The following ZNF827 variants were observed in gnomAD, a reference collection of about 807,000 sequenced individuals.
ZNF827 encodes the protein zinc finger protein 827.
ZNF827 carries 13 observed loss-of-function variants against 102.4 expected under a neutral mutation model. The ratio of observed to expected loss-of-function variants is 0.13; its 90% CI spans 0.08 to 0.20. The LOEUF (loss-of-function observed/expected upper bound fraction) is 0.20. ZNF827 is among the 10% of genes least tolerant of loss of function. ZNF827 has a pLI of 1.00. For synonymous variants in ZNF827, 523 were observed against 536.2 expected, an observed-to-expected ratio of 0.98 and a Z score of 0.34; for missense variants, 1,103 against 1,344.4, an observed-to-expected ratio of 0.82 and a Z score of 2.81.
At chr4:145,794,687 G>A (rs947331904) in intron 8 of ZNF827, among the ~76,000 whole-genome samples, 1 of 151,856 alleles carries the variant, frequency 6.6e-6, no homozygotes, top group African/African-American at 2.4e-5. Context: ...GCGACAGGGC[G>A]AGACCCTGTC....
chr4:145,881,905 C>T (rs1749701472), intron 4 of ZNF827, among the ~76,000 whole-genome samples: 1 of 152,214 alleles, frequency 6.6e-6, no homozygotes, highest in Non-Finnish European at 1.5e-5. Flanking sequence ...TATTCCACAT[C>T]AGTGGTCCTC....
rs1734436771 is a variant in ZNF827, at chr4:145,761,174, C to T, written c.*442G>A. 3 of 1,289,862 alleles carry T rather than the reference C, an allele frequency of 2.3e-6. No individual in the cohort carries two copies. Among genetic ancestry groups the T allele is most frequent in the African/African-American group, 3.0e-5 (2 of 66,002 alleles). The allele number at this position is 1,289,862 out of a possible 1,614,324, so 79.9% of individuals were successfully genotyped here. A position where few individuals can be genotyped will look rare whatever the true frequency, so the allele number is the denominator to read the frequency against. ...GGGGCTGGACACAGGCCCTTCTTGTCCTCCTCGGGGCAGTCCCCACTCTGG... is the reference window on the plus strand; with the variant it reads ...GGGGCTGGACACAGGCCCTTCTTGTTCTCCTCGGGGCAGTCCCCACTCTGG... On this transcript the variant is annotated 3_prime_UTR_variant, in exon 15 of 15. Coordinates refer to ENST00000508784, the MANE Select transcript of ZNF827 (RefSeq NM_001306215.2). This position sits in a 1 kb window ranked among gnomAD's most constrained non-coding sequence, Gnocchi z 6.8.
intron 11 of ZNF827, among the ~76,000 whole-genome samples, chr4:145,766,813 T>G (rs1735374807): frequency 6.6e-6 from 1 of 152,042 alleles, no homozygotes; most frequent in African/African-American, 2.4e-5. Flanking sequence ...AAAAACACAA[T>G]TTACAGGGCA....
chr4:145,909,500 C>G (rs1179108562), intron 1 of ZNF827, among the ~76,000 whole-genome samples: 1 of 152,206 alleles, frequency 6.6e-6, no homozygotes, highest in Non-Finnish European at 1.5e-5. Context: ...TTTTCACTCT[C>G]AATGACTTCC....
chr4:145,892,244 T>A lies in ZNF827; in HGVS notation c.1265A>T (p.Lys422Met). 1 of 1,607,252 alleles carries A rather than the reference T, an allele frequency of 6.2e-7. No homozygotes were observed. The highest frequency in any genetic ancestry group is 8.5e-7 in the Non-Finnish European group (1 of 1,175,264). Residue 422 changes from lysine to methionine, a missense_variant and splice_region_variant, in exon 3 of 15, where the codon AAG becomes ATG. Coordinates refer to ENST00000508784, the MANE Select transcript of ZNF827 (RefSeq NM_001306215.2). ...ARKDNLKSHM[K>M]VHQHQDRGET... ...AGGTGCAGTCGGTAGGTGGCTTACC[T>A]TCATGTGGGATTTGAGATTGTCCTT...
intron 11 of ZNF827, among the ~76,000 whole-genome samples, chr4:145,769,257 T>C (rs1579100975): frequency 1.4e-5 from 2 of 138,570 alleles, no homozygotes; most frequent in African/African-American, 6.9e-5. Context: ...ACTTCTCTCT[T>C]GGTACAAGAA....
intron 9 of ZNF827, among the ~76,000 whole-genome samples, chr4:145,777,437 C>T (rs1288320962): frequency 2.0e-5 from 3 of 152,202 alleles, no homozygotes; most frequent in South Asian, 2.1e-4. Context: ...CCTTTATAAA[C>T]GGTATGTCCT....
intron 4 of ZNF827, among the ~76,000 whole-genome samples, chr4:145,883,400 T>C (rs1370251717): frequency 1.3e-5 from 2 of 152,212 alleles, no homozygotes; most frequent in African/African-American, 2.4e-5. Context: ...TCCCCATCAA[T>C]AGCTAACTGA....
At chr4:145,904,584 G>A (rs933922195) in intron 1 of ZNF827, among the ~76,000 whole-genome samples, 4 of 152,216 alleles carry the variant, frequency 2.6e-5, no homozygotes, top group African/African-American at 9.6e-5. Flanking sequence ...GAACATGCCT[G>A]GCACGCCCAT....
chr4:145,882,668 G>C (rs1314585379), intron 4 of ZNF827, among the ~76,000 whole-genome samples: 4 of 152,164 alleles, frequency 2.6e-5, no homozygotes, highest in Admixed American at 2.6e-4. Context: ...AGCATCAAGT[G>C]TTTTCTCTCT....
chr4:145,897,276 TA>T (rs1751052964), intron 2 of ZNF827, among the ~76,000 whole-genome samples: 1 of 152,230 alleles, frequency 6.6e-6, no homozygotes, highest in Non-Finnish European at 1.5e-5. Context: ...TTAACTGCTT[TA>T]ACACAAAGGT....
At chr4:145,886,699 C>G (rs1750145270) in intron 3 of ZNF827, among the ~76,000 whole-genome samples, 2 of 151,486 alleles carry the variant, frequency 1.3e-5, no homozygotes, top group African/African-American at 2.4e-5. Context: ...AATTGAGGCC[C>G]CAGAATAAAT....
intron 7 of ZNF827, among the ~76,000 whole-genome samples, chr4:145,829,380 C>T (rs1743982388): frequency 6.6e-6 from 1 of 151,820 alleles, no homozygotes; most frequent in Non-Finnish European, 1.5e-5. Context: ...GACAAATTAC[C>T]TTAGTAGATT....
rs1009445491 is a variant in ZNF827, at chr4:145,759,077, CAT to C, written c.*2537_*2538del. Reference sequence around the variant, plus strand: ...AAAAACCCCAACTCTTAGGATAACACATGATGGAAAACAGCAACACAGTAAGA... The same window carrying C: ...AAAAACCCCAACTCTTAGGATAACACGATGGAAAACAGCAACACAGTAAGA... On this transcript the variant is annotated 3_prime_UTR_variant, in exon 15 of 15. Transcript: ENST00000508784. 8 of 152,172 alleles carry C rather than the reference CAT, an allele frequency of 5.3e-5. No individual in the cohort carries two copies. The highest frequency in any genetic ancestry group is 1.4e-4 in the African/African-American group (6 of 41,436). The allele number at this position is 152,172 out of a possible 1,614,324, so 9.4% of individuals were successfully genotyped here.
chr4:145,929,074 C>T (rs1440246433), intron 1 of ZNF827, among the ~76,000 whole-genome samples: 1 of 152,206 alleles, frequency 6.6e-6, no homozygotes. Flanking sequence ...AGTTTTTAAA[C>T]AGTATCTGTG....
chr4:145,850,575 G>T (rs552439832), intron 5 of ZNF827, among the ~76,000 whole-genome samples: 3 of 152,286 alleles, frequency 2.0e-5, no homozygotes, highest in African/African-American at 7.2e-5. Flanking sequence ...ACACATATTT[G>T]TTTTGTAAGG....
At position 145,849,489 on chromosome 4, in the gene ZNF827, T is replaced by G; in HGVS notation, c.2054A>C (p.His685Pro). 6.2e-7 allele frequency: 1 copy of G among 1,614,206 alleles called. No homozygotes were observed. Among genetic ancestry groups the G allele is most frequent in the Non-Finnish European group, 8.5e-7 (1 of 1,180,032 alleles). ...ATTCCGGCTGGGTGATATCGAGACA[T>G]GGGAGTCCTGGATGTCAACCTCCAT... ...EPMEVDIQDS[H>P]VSISPSRNVG... is the part of the protein sequence containing the mutation. The change falls in exon 6 of 15, where the codon CAT becomes CCT. Residue 685 changes from histidine to proline, a missense_variant. Coordinates refer to ENST00000508784, the MANE Select transcript of ZNF827 (RefSeq NM_001306215.2).
At chr4:145,767,392 C>T (rs990367781) in intron 11 of ZNF827, among the ~76,000 whole-genome samples, 2 of 151,994 alleles carry the variant, frequency 1.3e-5, no homozygotes, top group South Asian at 2.1e-4. Context: ...CTGTGGGATG[C>T]CTTTGGGAAG....
intron 8 of ZNF827, among the ~76,000 whole-genome samples, chr4:145,783,393 T>C (rs1322856598): frequency 6.6e-6 from 1 of 152,280 alleles, no homozygotes; most frequent in African/African-American, 2.4e-5. Flanking sequence ...ACCTGCCTTT[T>C]GAATTGCTGT....
Sources: gnomAD v4.1 joint callset for allele counts (sites outside exome capture counted in the v4.1 genomes callset) on GRCh38, gnomAD v4.1.1 for gene constraint, Gnocchi (gnomAD v3.1) non-coding constraint, MANE v1.5 for transcripts, NCBI Gene and HGNC (gene_info 2026-07-23, HGNC 2026-07-21) for gene names.